The following DPH6 variants were observed in gnomAD, a reference collection of about 807,000 sequenced individuals.
DPH6 encodes diphthine--ammonia ligase.
DPH6 carries 33 observed loss-of-function variants against 38.2 expected under a neutral mutation model. The ratio of observed to expected loss-of-function variants is 0.86; its 90% CI spans 0.65 to 1.15. The LOEUF is 1.15. DPH6 is among the 50% of genes most tolerant of loss of function. DPH6 has a pLI of 0.00. For synonymous variants in DPH6, 108 were observed against 103.0 expected (o/e 1.05, Z -0.30); for missense variants, 325 against 320.0 (o/e 1.02, Z -0.12).
chr15:35,188,720 A>C, the DPH6 span, among the ~76,000 whole-genome samples: 1 of 152,164 alleles, frequency 6.6e-6, no homozygotes, highest in Non-Finnish European at 1.5e-5. Context: ...TTGGTGACAC[A>C]TGACTCAGAT....
intron 3 of DPH6, chr15:35,522,092 C>T (rs756195687): frequency 6.2e-7 from 1 of 1,612,134 alleles, no homozygotes; most frequent in Non-Finnish European, 8.5e-7. Flanking sequence ...AAACTGGAAA[C>T]TCATACTTCA....
At chr15:35,185,902 T>A in the DPH6 span, among the ~76,000 whole-genome samples, 1 of 127,622 alleles carries the variant, frequency 7.8e-6, no homozygotes. Context: ...CCGGCTAATT[T>A]TTTTTGTGTT....
At chr15:35,517,873 T>C (rs1477946268) in intron 3 of DPH6, among the ~76,000 whole-genome samples, 1 of 152,126 alleles carries the variant, frequency 6.6e-6, no homozygotes, top group Non-Finnish European at 1.5e-5. Flanking sequence ...TTAATTATAC[T>C]GAAGACACAT....
At chr15:35,405,666 C>T (rs898020551) in intron 6 of DPH6, among the ~76,000 whole-genome samples, 1 of 152,026 alleles carries the variant, frequency 6.6e-6, no homozygotes, top group Non-Finnish European at 1.5e-5. Context: ...AATTTGACTT[C>T]TTTTCCAATT....
Position 35,502,578 on chromosome 15 carries a change from G to T in DPH6, c.312+35696C>A, listed in dbSNP as rs899341435. The stretch of plus-strand genomic sequence containing the variant: ...AATATATATTAACATGAACCAAGTG[G>T]TAGTATTTTAAAGATTATTCTTAAT... On this transcript the variant is annotated intron_variant, in intron 3 of 8. Coordinates refer to ENST00000256538, the MANE Select transcript of DPH6 (RefSeq NM_080650.4). Among the ~76,000 whole-genome samples the T allele has an allele frequency of 6.6e-5, 10 of 151,948 alleles. 1 individual carries two copies. The highest frequency in any genetic ancestry group is 2.4e-4 in the African/African-American group (10 of 41,498).
intron 5 of DPH6, among the ~76,000 whole-genome samples, chr15:35,445,050 A>G (rs983099152): frequency 6.6e-6 from 1 of 152,240 alleles, no homozygotes; most frequent in Non-Finnish European, 1.5e-5. Context: ...TATATTATGT[A>G]TCAAATACAG....
At chr15:35,545,187 T>C (rs1173279594) in intron 1 of DPH6, among the ~76,000 whole-genome samples, 1 of 152,260 alleles carries the variant, frequency 6.6e-6, no homozygotes, top group African/African-American at 2.4e-5. Context: ...ATCGTTGCAC[T>C]GTATCTAAGA....
chr15:35,177,520 A>G, the DPH6 span, among the ~76,000 whole-genome samples: 1 of 148,936 alleles, frequency 6.7e-6, no homozygotes, highest in African/African-American at 2.5e-5. Flanking sequence ...CAGGAGTTTC[A>G]GGCTACAGTG....
intron 3 of DPH6, among the ~76,000 whole-genome samples, chr15:35,336,344 T>C (rs530175703): frequency 1.5e-5 from 2 of 137,560 alleles, no homozygotes; most frequent in East Asian, 4.3e-4. Context: ...CATAGTCCCA[T>C]ATTTCTTGGA....
chr15:35,446,761 G>A (rs2053859292), intron 5 of DPH6, among the ~76,000 whole-genome samples: 1 of 152,068 alleles, frequency 6.6e-6, no homozygotes, highest in African/African-American at 2.4e-5. Context: ...AGGGACAACT[G>A]GATAGCCTAT....
chr15:35,320,986 C>T (rs796480675), intron 3 of DPH6, among the ~76,000 whole-genome samples: 33 of 152,196 alleles, frequency 2.2e-4, no homozygotes, highest in African/African-American at 7.5e-4. Flanking sequence ...GAAGAAAACC[C>T]TCAAAAGGCC....
At chr15:35,514,490 G>T (rs1230729746) in intron 3 of DPH6, among the ~76,000 whole-genome samples, 6 of 152,084 alleles carry the variant, frequency 3.9e-5, no homozygotes, top group African/African-American at 1.4e-4. Flanking sequence ...AATAAGGAGG[G>T]ATGTCTCACT....
Position 35,288,672 on chromosome 15 carries a change from C to A in DPH6, n.201-68090G>T, listed in dbSNP as rs184653812. On this transcript the variant is annotated intron_variant and non_coding_transcript_variant, in intron 3 of 3. Transcript: ENST00000560386. ...GCTCCAAGATGCATCGCTCTATCAACCCGCATTTTTCCAGGACAATGCAAA... is the reference window on the plus strand; with the variant it reads ...GCTCCAAGATGCATCGCTCTATCAAACCGCATTTTTCCAGGACAATGCAAA... Among the ~76,000 whole-genome samples, 171 of 152,314 alleles carry A rather than the reference C, an allele frequency of 1.1e-3. 1 individual carries two copies. Among genetic ancestry groups the A allele is most frequent in the African/African-American group, 4.0e-3 (165 of 41,574 alleles).
intron 3 of DPH6, among the ~76,000 whole-genome samples, chr15:35,507,762 T>C (rs949772475): frequency 1.3e-5 from 2 of 152,076 alleles, no homozygotes; most frequent in African/African-American, 2.4e-5. Flanking sequence ...AAATTCTCTC[T>C]GGAGGTTAGA....
intron 3 of DPH6, among the ~76,000 whole-genome samples, chr15:35,461,770 T>A (rs560852259): frequency 6.6e-6 from 1 of 152,290 alleles, no homozygotes; most frequent in South Asian, 2.1e-4. Flanking sequence ...CAAGAATATG[T>A]CAAAGGAAGC....
rs2052465222 is a variant in DPH6, at chr15:35,346,746, C to T, written n.208-15669G>A. The stretch of plus-strand genomic sequence containing the variant: ...AGCCTTTCCGTTTATCCAGTGTATA[C>T]ATTTGAGGCTACAAATGTCTAGTGC... On this transcript the variant is annotated intron_variant and non_coding_transcript_variant, in intron 3 of 3. Coordinates refer to the DPH6 transcript ENST00000558973. Among the ~76,000 whole-genome samples, 4 of 152,070 alleles carry T rather than the reference C, an allele frequency of 2.6e-5. No homozygotes were observed. The South Asian group carries it at 8.3e-4, about 31-fold the overall frequency.
intron 3 of DPH6, among the ~76,000 whole-genome samples, chr15:35,456,410 C>CA: frequency 6.7e-6 from 1 of 149,480 alleles, no homozygotes. Context: ...ATCATGGAAA[C>CA]AAAGACAAAA....
intron 3 of DPH6, among the ~76,000 whole-genome samples, chr15:35,363,331 T>A (rs1402119733): frequency 6.6e-6 from 1 of 152,180 alleles, no homozygotes; most frequent in African/African-American, 2.4e-5. Context: ...TATATACAAA[T>A]TAAGAATTGT....
the DPH6 span, among the ~76,000 whole-genome samples, chr15:35,182,495 C>T: frequency 5.3e-5 from 8 of 151,938 alleles, no homozygotes; most frequent in East Asian, 3.9e-4. Context: ...TACTCCCCAT[C>T]GATAGCATGT....
Sources: allele counts gnomAD v4.1 joint callset (sites outside exome capture counted in the v4.1 genomes callset), GRCh38; gene constraint gnomAD v4.1.1; transcripts MANE v1.5; gene names NCBI Gene and HGNC (gene_info 2026-07-23, HGNC 2026-07-21).